Variants in SLC44A5 observed in about 807,000 individuals in gnomAD.
SLC44A5 encodes choline transporter-like protein 5.
Under a neutral mutation model 101.8 loss-of-function variants are expected in SLC44A5, and 57 were observed. The observed-to-expected ratio is 0.56, with a 90% confidence interval of 0.45 to 0.70. The LOEUF (loss-of-function observed/expected upper bound fraction) is 0.70. SLC44A5 is among the 30% of genes least tolerant of loss of function. The pLI, the probability that SLC44A5 is intolerant of heterozygous loss-of-function variation, is 0.00. For synonymous variants in SLC44A5, 281 were observed against 290.9 expected (o/e 0.97, Z 0.35); for missense variants, 737 against 853.1 (o/e 0.86, Z 1.70).
the SLC44A5 span, among the ~76,000 whole-genome samples, chr1:75,658,248 AT>A: frequency 6.6e-6 from 1 of 151,430 alleles, no homozygotes; most frequent in Non-Finnish European, 1.5e-5. Context: ...TAATTTTTCT[AT>A]TTTTTTTGTA....
the SLC44A5 span, among the ~76,000 whole-genome samples, chr1:75,683,903 A>C: frequency 6.6e-6 from 1 of 151,238 alleles, no homozygotes; most frequent in Non-Finnish European, 1.5e-5. Context: ...GAAAACAAAA[A>C]AGAGCGGAAG....
intron 3 of SLC44A5, chr1:75,353,870 G>T: frequency 5.5e-6 from 1 of 182,568 alleles, no homozygotes; most frequent in Non-Finnish European, 1.2e-5. Context: ...ATTCCCTCCT[G>T]CTAAGGCAGC....
chr1:75,205,244 T>C (rs1646730531), intron 23 of SLC44A5: 1 of 152,194 alleles, frequency 6.6e-6, no homozygotes, highest in Non-Finnish European at 1.5e-5. Context: ...CGTATTTAGA[T>C]CAATCTATAA....
chr1:75,245,679 C>T (rs1203303159), intron 7 of SLC44A5, among the ~76,000 whole-genome samples: 2 of 152,084 alleles, frequency 1.3e-5, no homozygotes, highest in Admixed American at 6.6e-5. Context: ...TAGAAAAGTG[C>T]TGTGTATGCA....
chr1:75,491,180 G>A (rs897997728), intron 2 of SLC44A5, among the ~76,000 whole-genome samples: 1 of 152,080 alleles, frequency 6.6e-6, no homozygotes, highest in Non-Finnish European at 1.5e-5. Flanking sequence ...GGGCTTCTGG[G>A]TATAGTTTCT....
intron 2 of SLC44A5, among the ~76,000 whole-genome samples, chr1:75,439,429 T>G (rs921590866): frequency 6.6e-6 from 1 of 152,032 alleles, no homozygotes; most frequent in Admixed American, 6.6e-5. Context: ...TATTAAAAAC[T>G]CAATGGATCT....
chr1:75,213,096 G>A (rs769596337), intron 22 of SLC44A5, among the ~76,000 whole-genome samples: 4 of 152,060 alleles, frequency 2.6e-5, no homozygotes, highest in Non-Finnish European at 5.9e-5. Context: ...CTGTAACTTC[G>A]GCATGGGTCA....
At chr1:75,616,167 G>C in the SLC44A5 span, among the ~76,000 whole-genome samples, 9 of 151,878 alleles carry the variant, frequency 5.9e-5, no homozygotes, top group African/African-American at 2.2e-4. Context: ...TGCTGCTCCT[G>C]CTGCTGGAGG....
chr1:75,639,520 T>G, the SLC44A5 span, among the ~76,000 whole-genome samples: 1 of 152,126 alleles, frequency 6.6e-6, no homozygotes, highest in African/African-American at 2.4e-5. Context: ...CTTTGACTGT[T>G]ATTCCGATAA....
intron 5 of SLC44A5, among the ~76,000 whole-genome samples, chr1:75,296,897 G>A (rs906108367): frequency 3.3e-5 from 5 of 152,094 alleles, no homozygotes; most frequent in African/African-American, 9.7e-5. Context: ...TCAGGAATTT[G>A]GGGAAAGGCT....
intron 3 of SLC44A5, among the ~76,000 whole-genome samples, chr1:75,366,903 T>G (rs970059133): frequency 3.3e-5 from 5 of 151,694 alleles, no homozygotes; most frequent in African/African-American, 1.2e-4. Flanking sequence ...CTTATTAAAC[T>G]TCTCATTGTG....
intron 23 of SLC44A5, among the ~76,000 whole-genome samples, chr1:75,210,868 A>T (rs996105905): frequency 1.3e-5 from 2 of 152,052 alleles, no homozygotes; most frequent in Non-Finnish European, 2.9e-5. Context: ...TTGAGGTATA[A>T]TTTTTTTATC....
At chr1:75,442,569 T>A (rs1340356935) in intron 2 of SLC44A5, among the ~76,000 whole-genome samples, 1 of 152,148 alleles carries the variant, frequency 6.6e-6, no homozygotes, top group Non-Finnish European at 1.5e-5. Flanking sequence ...TCAGGAAGAA[T>A]ACTTTCAAGT....
At chr1:75,426,980 C>T (rs113827122) in intron 2 of SLC44A5, among the ~76,000 whole-genome samples, 3 of 152,310 alleles carry the variant, frequency 2.0e-5, no homozygotes, top group Admixed American at 6.5e-5. Context: ...TTTCTAGGAT[C>T]CCAGCACCAC....
intron 1 of SLC44A5, among the ~76,000 whole-genome samples, chr1:75,580,812 T>G (rs1188834633): frequency 7.0e-6 from 1 of 142,542 alleles, no homozygotes; most frequent in Non-Finnish European, 1.5e-5. Flanking sequence ...CACTCCAGCC[T>G]GAGCAACAGA....
the SLC44A5 span, among the ~76,000 whole-genome samples, chr1:75,625,032 G>A: frequency 1.8e-4 from 28 of 151,912 alleles, no homozygotes; most frequent in Admixed American, 1.4e-3. Context: ...CTCAGCTACT[G>A]ATGTTCCAAA....
At chr1:75,213,115 T>A (rs1646891158) in intron 22 of SLC44A5, among the ~76,000 whole-genome samples, 1 of 152,176 alleles carries the variant, frequency 6.6e-6, no homozygotes, top group African/African-American at 2.4e-5. Flanking sequence ...CAGCTTCTCC[T>A]GCTACCTATC....
chr1:75,444,093 G>T (rs1665365834), intron 2 of SLC44A5, among the ~76,000 whole-genome samples: 1 of 151,606 alleles, frequency 6.6e-6, no homozygotes, highest in Admixed American at 6.6e-5. Flanking sequence ...GAGGTGGGCG[G>T]ATCACCTGAG....
upstream of SLC44A5, among the ~76,000 whole-genome samples, chr1:75,612,403 G>A (rs147419858): frequency 1.3e-5 from 2 of 152,114 alleles, no homozygotes; most frequent in Non-Finnish European, 2.9e-5. Context: ...ATGTGAATGT[G>A]CCAAGCTACC....
Sources: gnomAD v4.1 joint callset for allele counts (sites outside exome capture counted in the v4.1 genomes callset) on GRCh38, gnomAD v4.1.1 for gene constraint, MANE v1.5 for transcripts, NCBI Gene and HGNC (gene_info 2026-07-23, HGNC 2026-07-21) for gene names.